The following FEM1B variants were observed in gnomAD, a reference collection of about 807,000 sequenced individuals.
FEM1B encodes the protein protein fem-1 homolog B.
A neutral mutation model predicts 38.6 loss-of-function variants in FEM1B; 10 were observed. That is an observed-to-expected ratio of 0.26 (90% CI 0.16 to 0.44). The LOEUF is 0.44. Ranked by LOEUF, FEM1B falls within the 20% of genes least tolerant of loss-of-function variation. The pLI is 1.00. For synonymous variants in FEM1B, 288 were observed against 288.0 expected, an observed-to-expected ratio of 1.00 and a Z score of 0.00; for missense variants, 471 against 786.7, an observed-to-expected ratio of 0.60 and a Z score of 4.80.
chr15:68,285,689 G>A (rs1219589888), intron 1 of FEM1B, among the ~76,000 whole-genome samples: 1 of 150,682 alleles, frequency 6.6e-6, no homozygotes, highest in Non-Finnish European at 1.5e-5. Flanking sequence ...TACTTGTTCA[G>A]TCTTTTTTTT....
rs1892820956 is a variant in FEM1B, at chr15:68,289,217, C to G, written c.249-390C>G. 5.6e-6 allele frequency: 1 copy of G among 179,936 alleles called. No homozygotes were observed. The allele number at this position is 179,936 out of a possible 1,614,324, so 11.1% of individuals were successfully genotyped here. ...ATAATTGTCAGAAACTGCTTGCTAC[C>G]TGGAGGCTACTGGGAAGGAGGAACA... On this transcript the variant is annotated intron_variant, in intron 1 of 1. Coordinates refer to ENST00000306917, the MANE Select transcript of FEM1B (RefSeq NM_015322.5). The surrounding 1 kb of genome is among the most constrained non-coding windows in gnomAD (Gnocchi z 6.9).
Position 68,290,830 on chromosome 15 carries a change from C to T in FEM1B, c.1472C>T (p.Ala491Val). The T allele has an allele frequency of 6.2e-7, 1 of 1,614,090 alleles. No individual in the cohort carries two copies. Among genetic ancestry groups the T allele is most frequent in the Non-Finnish European group, 8.5e-7 (1 of 1,179,932 alleles). Residue 491 changes from alanine (A) to valine (V), a missense_variant, in exon 2 of 2, where the codon GCT (alanine) becomes GTT (valine). This residue lies in a region of FEM1B where 380 missense variants were observed against 599.6 expected (regional missense o/e 0.63). Coordinates refer to ENST00000306917, the MANE Select transcript of FEM1B (RefSeq NM_015322.5). This position sits in a 1 kb window ranked among gnomAD's most constrained non-coding sequence, Gnocchi z 9.7. ...TREGFTLLHL[A>V]VNSNTPVDDF... is the part of the protein sequence containing the mutation. ...GAAGGTTTCACCTTGCTGCATCTGG[C>T]TGTCAATTCCAATACTCCAGTTGAT...
In FEM1B at chr15:68,295,532, C is replaced by G. The variant is rs1025538139; in HGVS notation, c.*4290C>G. 1 of 152,120 alleles carries G rather than the reference C, an allele frequency of 6.6e-6. No individual in the cohort carries two copies. The highest frequency in any genetic ancestry group is 1.5e-5 in the Non-Finnish European group (1 of 68,024). 9.4% of individuals were successfully genotyped at this position (152,120 alleles called of 1,614,324 possible). A position where few individuals can be genotyped will look rare whatever the true frequency, so the allele number is the denominator to read the frequency against. On this transcript the variant is annotated 3_prime_UTR_variant, in exon 2 of 2. Transcript: ENST00000306917. The stretch of plus-strand genomic sequence containing the variant: ...GATGGAAAAGACCCTGTCCTTTTCA[C>G]CCCATCCTGCAATCCTCCGTGCAGA...
At position 68,278,741 on chromosome 15, in the gene FEM1B, T is replaced by C; in HGVS notation, c.248+76T>C. On this transcript the variant is annotated intron_variant, in intron 1 of 1. Transcript: ENST00000306917. The surrounding 1 kb of genome is among the most constrained non-coding windows in gnomAD (Gnocchi z 5.7). ...TCACGGGCCCTCCCCTCCCTCACCC[T>C]CTCTTACCCTCTCTTCATGTAGGTA... 2 of 1,528,230 alleles carry C rather than the reference T, an allele frequency of 1.3e-6. No individual in the cohort carries two copies. The highest frequency in any genetic ancestry group is 1.8e-6 in the Non-Finnish European group (2 of 1,112,214). 94.7% of individuals were successfully genotyped at this position (1,528,230 alleles called of 1,614,324 possible). A position where few individuals can be genotyped will look rare whatever the true frequency, so the allele number is the denominator to read the frequency against.
rs559402686 is a variant in FEM1B at position 68,281,221 on chromosome 15, A to T, written c.248+2556A>T. Among the ~76,000 whole-genome samples the T allele has an allele frequency of 6.6e-6, 1 of 152,238 alleles. No homozygotes were observed. The highest frequency in any genetic ancestry group is 2.4e-5 in the African/African-American group (1 of 41,468). The stretch of plus-strand genomic sequence containing the variant: ...AACACATAGCCAGCACTTGAGACAC[A>T]TGGCCATATAGGGATTAACAGCTGT... On this transcript the variant is annotated intron_variant, in intron 1 of 1. Transcript: ENST00000306917. This position sits in a 1 kb window ranked among gnomAD's most constrained non-coding sequence, Gnocchi z 5.1.
At chr15:68,287,620 T>C (rs1892803674) in intron 1 of FEM1B, among the ~76,000 whole-genome samples, 2 of 152,320 alleles carry the variant, frequency 1.3e-5, no homozygotes, top group Admixed American at 1.3e-4. Flanking sequence ...TATGTCTTAG[T>C]CTGTTCTGTG....
intron 1 of FEM1B, chr15:68,279,818 C>G (rs1892706826): frequency 6.6e-6 from 1 of 152,158 alleles, no homozygotes; most frequent in African/African-American, 2.4e-5. Context: ...GAAATGGTAG[C>G]CCATGGGCAA....
chr15:68,290,310 C>T lies in FEM1B; in HGVS notation c.952C>T (p.Arg318Trp), dbSNP rs769109903. ...AAATCCTCAGGAACTGGAGTCCATT[C>T]GGCAAGACAGAGATGCTCTTCATAT... Reference protein sequence around the residue: ...CRNPQELESIRQDRDALHMEG... With the variant: ...CRNPQELESIWQDRDALHMEG... The change falls in exon 2 of 2, where the codon CGG becomes TGG. Residue 318 changes from arginine (R) to tryptophan (W), a missense_variant. By Grantham distance (101) the Arg-to-Trp change is moderately radical (BLOSUM62 -3). Transcript: ENST00000306917. This position sits in a 1 kb window ranked among gnomAD's most constrained non-coding sequence, Gnocchi z 9.7. The T allele has an allele frequency of 8.1e-6, 13 of 1,614,028 alleles. No homozygotes were observed. The highest frequency in any genetic ancestry group is 1.7e-4 in the Middle Eastern group (1 of 6,060).
chr15:68,279,371 G>A (rs941968013), intron 1 of FEM1B, among the ~76,000 whole-genome samples: 1 of 152,172 alleles, frequency 6.6e-6, no homozygotes, highest in African/African-American at 2.4e-5. Flanking sequence ...AGTTGAGGTG[G>A]GAAGTTTAAA....
In FEM1B at chr15:68,293,907, A is replaced by G. The variant is rs1892875200; in HGVS notation, c.*2665A>G. On this transcript the variant is annotated 3_prime_UTR_variant, in exon 2 of 2. Transcript: ENST00000306917. This position sits in a 1 kb window ranked among gnomAD's most constrained non-coding sequence, Gnocchi z 5.8. ...ATTTTGCAGCCACTTTGGTCATTTG[A>G]TGTTTACTATTGGTATACTTATGCT... The G allele has an allele frequency of 1.3e-5, 2 of 152,102 alleles. No homozygotes were observed. Among genetic ancestry groups the G allele is most frequent in the South Asian group, 2.1e-4 (1 of 4,824 alleles). 9.4% of individuals were successfully genotyped at this position (152,102 alleles called of 1,614,324 possible).
chr15:68,283,885 CTT>C (rs35187853), intron 1 of FEM1B, among the ~76,000 whole-genome samples: 10,657 of 138,952 alleles, frequency 0.077, 405 homozygotes, highest in South Asian at 0.14. Context: ...CTCACGTAAA[CTT>C]TTTTTTTTTT....
chr15:68,283,065 A>G (rs575172167), intron 1 of FEM1B, among the ~76,000 whole-genome samples: 27 of 152,214 alleles, frequency 1.8e-4, no homozygotes, highest in African/African-American at 6.0e-4. Flanking sequence ...AGCTCAAGGG[A>G]AAAAAATGGA....
chr15:68,286,452 T>C (rs1892788417), intron 1 of FEM1B, among the ~76,000 whole-genome samples: 1 of 151,168 alleles, frequency 6.6e-6, no homozygotes, highest in South Asian at 2.1e-4. Flanking sequence ...TCATGGCTCA[T>C]TGTAGCCTCG....
Position 68,291,129 on chromosome 15 carries a change from A to T in FEM1B, c.1771A>T (p.Thr591Ser). The T allele has an allele frequency of 6.2e-7, 1 of 1,613,952 alleles. No individual in the cohort carries two copies. Among genetic ancestry groups the T allele is most frequent in the Non-Finnish European group, 8.5e-7 (1 of 1,179,968 alleles). The change falls in exon 2 of 2, where the codon ACT becomes TCT. Residue 591 changes from threonine to serine, a missense_variant. Thr to Ser is a moderately conservative substitution (Grantham distance 58). Transcript: ENST00000306917. This position sits in a 1 kb window ranked among gnomAD's most constrained non-coding sequence, Gnocchi z 6.9. ...TTGVSEILLKTQMKMSLKCLA... is the reference protein window; with the variant it reads ...TTGVSEILLKSQMKMSLKCLA... ...TGGGGTATCTGAAATACTGCTTAAA[A>T]CTCAAATGAAGATGAGTCTCAAGTG...
rs1171837902 is a variant in FEM1B, at chr15:68,278,218, C to G, written c.-200C>G. Reference sequence around the variant, plus strand: ...CTCCCTGCGCGGGCTGGGTCGCGGACGTGCCCTTCGCGGCACTCGGCCTCC... The same window carrying G: ...CTCCCTGCGCGGGCTGGGTCGCGGAGGTGCCCTTCGCGGCACTCGGCCTCC... On this transcript the variant is annotated 5_prime_UTR_variant, in exon 1 of 2. Transcript: ENST00000306917. The surrounding 1 kb of genome is among the most constrained non-coding windows in gnomAD (Gnocchi z 5.7). The G allele has an allele frequency of 1.5e-6, 1 of 678,852 alleles. No individual in the cohort carries two copies. The highest frequency in any genetic ancestry group is 1.9e-5 in the African/African-American group (1 of 52,186). The allele number at this position is 678,852 out of a possible 1,614,324, so 42.1% of individuals were successfully genotyped here.
intron 1 of FEM1B, among the ~76,000 whole-genome samples, chr15:68,282,780 ATTTTG>A (rs1195110971): frequency 6.6e-6 from 1 of 152,130 alleles, no homozygotes; most frequent in African/African-American, 2.4e-5. Context: ...TGTATTTGGT[ATTTTG>A]TTTTGAGGCA....
chr15:68,289,857 A>C lies in FEM1B; in HGVS notation c.499A>C (p.Thr167Pro). 2.5e-6 allele frequency: 4 copies of C among 1,614,054 alleles called. No homozygotes were observed. The highest frequency in any genetic ancestry group is 3.4e-6 in the Non-Finnish European group (4 of 1,179,952). ...CLMIAAYKGHTDVVRYLLEQR... is the reference protein window; with the variant it reads ...CLMIAAYKGHPDVVRYLLEQR... Reference sequence around the variant, plus strand: ...AATGATTGCGGCATATAAGGGACACACTGATGTGGTCAGATACCTTTTAGA... The same window carrying C: ...AATGATTGCGGCATATAAGGGACACCCTGATGTGGTCAGATACCTTTTAGA... The change falls in exon 2 of 2, where the codon ACT (threonine) becomes CCT (proline). Residue 167 changes from threonine to proline, a missense_variant. By Grantham distance (38) the Thr-to-Pro change is conservative. Coordinates refer to ENST00000306917, the MANE Select transcript of FEM1B (RefSeq NM_015322.5). The surrounding 1 kb of genome is among the most constrained non-coding windows in gnomAD (Gnocchi z 6.9).
In FEM1B at chr15:68,290,054, T is replaced by G; in HGVS notation, c.696T>G (p.Ala232=). 1 of 1,614,232 alleles carries G rather than the reference T, an allele frequency of 6.2e-7. No homozygotes were observed. The highest frequency in any genetic ancestry group is 2.2e-5 in the East Asian group (1 of 44,882). The change falls in exon 2 of 2, where the codon GCT becomes GCG. Residue 232 remains alanine (A), a synonymous_variant. Transcript: ENST00000306917. This position sits in a 1 kb window ranked among gnomAD's most constrained non-coding sequence, Gnocchi z 9.7. The part of the protein sequence containing the change: ...PLKVAAESCK[A]DVVELLLSHA... ...AAGTAGCTGCCGAAAGCTGTAAAGC[T>G]GATGTCGTAGAACTGTTACTCTCTC...
At position 68,289,694 on chromosome 15, in the gene FEM1B, C is replaced by T; in HGVS notation, c.336C>T (p.Ala112=). ...TTAAACTTCTAGTCAGCCATGGAGC[C>T]AACGTGAACCATACCACAGTAACTA... is the stretch of plus-strand genomic sequence containing the variant. ...EVVKLLVSHG[A]NVNHTTVTNS... The change falls in exon 2 of 2, where the codon GCC becomes GCT. Residue 112 remains alanine, a synonymous_variant. Transcript: ENST00000306917. The surrounding 1 kb of genome is among the most constrained non-coding windows in gnomAD (Gnocchi z 6.9). 6.2e-7 allele frequency: 1 copy of T among 1,614,112 alleles called. No homozygotes were observed. Among genetic ancestry groups the T allele is most frequent in the South Asian group, 1.1e-5 (1 of 91,078 alleles).
Sources: allele counts gnomAD v4.1 joint callset (sites outside exome capture counted in the v4.1 genomes callset), GRCh38; gene constraint gnomAD v4.1.1; regional missense constraint gnomAD v4.1.1; non-coding constraint Gnocchi (gnomAD v3.1); transcripts MANE v1.5; gene names NCBI Gene and HGNC (gene_info 2026-07-23, HGNC 2026-07-21).